IGF2BP2: variants seen among roughly 807,000 people sequenced by gnomAD.
IGF2BP2 encodes the protein insulin-like growth factor 2 mRNA-binding protein 2.
A neutral mutation model predicts 75.8 loss-of-function variants in IGF2BP2; 17 were observed. The ratio of observed to expected loss-of-function variants is 0.22; its 90% CI spans 0.15 to 0.34. The LOEUF (loss-of-function observed/expected upper bound fraction) is 0.34. Ranked by LOEUF, IGF2BP2 falls within the 10% of genes least tolerant of loss-of-function variation. The pLI is 1.00. For missense variants in IGF2BP2, 516 were observed against 772.4 expected (o/e 0.67, Z 3.93); for synonymous variants, 288 against 295.6 (o/e 0.97, Z 0.26).
In IGF2BP2 at chr3:185,644,590, G is replaced by GGC. The variant is rs1491167607; in HGVS notation, c.*940_*941insGC. 2.6e-4 allele frequency: 4 copies of GGC among 15,610 alleles called. No individual in the cohort carries two copies. Among genetic ancestry groups the GGC allele is most frequent in the African/African-American group, 4.8e-4 (3 of 6,252 alleles). 1.0% of individuals were successfully genotyped at this position (15,610 alleles called of 1,614,324 possible). On this transcript the variant is annotated 3_prime_UTR_variant, in exon 16 of 16. Transcript: ENST00000382199. The stretch of plus-strand genomic sequence containing the variant: ...TGATACTCAGAGCACTGCTTTGCCT[G>GGC]GGGGGGGGGGGGTGCGTAGATACGG...
chr3:185,704,502 T>C (rs922600883), intron 2 of IGF2BP2, among the ~76,000 whole-genome samples: 4 of 152,158 alleles, frequency 2.6e-5, no homozygotes, highest in Non-Finnish European at 5.9e-5. Flanking sequence ...CATGCTGCAG[T>C]GCAGTGGCGT....
intron 2 of IGF2BP2, among the ~76,000 whole-genome samples, chr3:185,726,863 A>C (rs1458493973): frequency 6.6e-6 from 1 of 152,180 alleles, no homozygotes; most frequent in Non-Finnish European, 1.5e-5. Context: ...GGTTCTCTGA[A>C]ACTTACCAAG....
chr3:185,783,373 G>C (rs1369606007), intron 2 of IGF2BP2, among the ~76,000 whole-genome samples: 1 of 152,094 alleles, frequency 6.6e-6, no homozygotes, highest in Non-Finnish European at 1.5e-5. Flanking sequence ...GCTCTGCACA[G>C]GGGAAGAAGG....
At chr3:185,730,624 G>A (rs891265588) in intron 2 of IGF2BP2, among the ~76,000 whole-genome samples, 5 of 151,866 alleles carry the variant, frequency 3.3e-5, no homozygotes, top group African/African-American at 4.8e-5. Flanking sequence ...AGTAGAGACC[G>A]GGTTTCTCCA....
chr3:185,680,199 C>T (rs888639499), intron 7 of IGF2BP2, among the ~76,000 whole-genome samples: 3 of 152,074 alleles, frequency 2.0e-5, no homozygotes, highest in Non-Finnish European at 4.4e-5. Flanking sequence ...AATTTAATAA[C>T]CTAGAAGAAA....
intron 15 of IGF2BP2, among the ~76,000 whole-genome samples, chr3:185,646,560 G>A (rs1381996440): frequency 6.6e-6 from 1 of 152,206 alleles, no homozygotes; most frequent in African/African-American, 2.4e-5. Context: ...TGATAGGGTG[G>A]GTTGTGGTGA....
At chr3:185,649,092 G>A (rs1434002716) in intron 14 of IGF2BP2, among the ~76,000 whole-genome samples, 1 of 152,082 alleles carries the variant, frequency 6.6e-6, no homozygotes, top group African/African-American at 2.4e-5. Context: ...CTGTTTTCAG[G>A]GAGTGGAGGC....
chr3:185,700,370 A>T (rs989900413), intron 2 of IGF2BP2, among the ~76,000 whole-genome samples: 4 of 152,168 alleles, frequency 2.6e-5, no homozygotes, highest in Admixed American at 6.5e-5. Flanking sequence ...TTTTTTAAAT[A>T]TTAATGTATT....
At position 185,804,728 on chromosome 3, in the gene IGF2BP2, G is replaced by A. The variant is rs181440896; in HGVS notation, c.239+18425C>T. ...TCATAGGCCAGGCACGGTGGCTCAC[G>A]CCTGTAATCCCAGCACTTTGGGAGG... On this transcript the variant is annotated intron_variant, in intron 2 of 15. Coordinates refer to ENST00000382199, the MANE Select transcript of IGF2BP2 (RefSeq NM_006548.6). Among the ~76,000 whole-genome samples the A allele has an allele frequency of 6.6e-3, 1,011 of 152,150 alleles. 11 individuals carry two copies. The highest frequency in any genetic ancestry group is 0.022 in the African/African-American group (931 of 41,494).
At position 185,658,985 on chromosome 3, in the gene IGF2BP2, T is replaced by C. The variant is rs904975963; in HGVS notation, c.1201-576A>G. ...GAGACTGAGCTTTGGGAATCTGAAA[T>C]GGGAGGATCACTTGGGTTCAGGAAC... is the stretch of plus-strand genomic sequence containing the variant. On this transcript the variant is annotated intron_variant, in intron 10 of 15. Transcript: ENST00000382199. Among the ~76,000 whole-genome samples, 7 of 152,048 alleles carry C rather than the reference T, an allele frequency of 4.6e-5. No individual in the cohort carries two copies. The East Asian group carries it at 9.6e-4, about 21-fold the overall frequency.
intron 7 of IGF2BP2, among the ~76,000 whole-genome samples, chr3:185,680,967 A>T (rs1030626493): frequency 6.6e-6 from 1 of 152,216 alleles, no homozygotes; most frequent in African/African-American, 2.4e-5. Flanking sequence ...TGAAAAGCCC[A>T]CAGCTAACAT....
At chr3:185,782,328 A>G (rs1369137435) in intron 2 of IGF2BP2, among the ~76,000 whole-genome samples, 1 of 152,126 alleles carries the variant, frequency 6.6e-6, no homozygotes, top group Non-Finnish European at 1.5e-5. Context: ...TCACACGGCT[A>G]ATTTCTAATA....
chr3:185,734,338 C>T (rs1041018606), intron 2 of IGF2BP2, among the ~76,000 whole-genome samples: 7 of 152,196 alleles, frequency 4.6e-5, no homozygotes, highest in African/African-American at 1.7e-4. Context: ...GTGACTTGCC[C>T]AAGGTCAGAG....
chr3:185,792,248 TATAAAGA>T (rs1353764696), intron 2 of IGF2BP2, among the ~76,000 whole-genome samples: 1 of 152,120 alleles, frequency 6.6e-6, no homozygotes, highest in Non-Finnish European at 1.5e-5. Flanking sequence ...AAAAAGCAGC[TATAAAGA>T]ATAAAGTCCA....
intron 2 of IGF2BP2, among the ~76,000 whole-genome samples, chr3:185,816,674 C>T (rs1347522055): frequency 6.6e-6 from 1 of 152,006 alleles, no homozygotes; most frequent in Non-Finnish European, 1.5e-5. Flanking sequence ...GCTGAGTTTC[C>T]TCATCCAAAA....
At chr3:185,757,367 C>T (rs192098816) in intron 2 of IGF2BP2, among the ~76,000 whole-genome samples, 1 of 152,158 alleles carries the variant, frequency 6.6e-6, no homozygotes, top group East Asian at 1.9e-4. Flanking sequence ...AAAAACTCCA[C>T]ACAAACAGGG....
chr3:185,721,600 T>C (rs1208338243), intron 2 of IGF2BP2, among the ~76,000 whole-genome samples: 3 of 152,204 alleles, frequency 2.0e-5, no homozygotes, highest in African/African-American at 7.2e-5. Context: ...ATGTATTTAA[T>C]TGGAAATCAA....
At chr3:185,819,033 T>C (rs944082489) in intron 2 of IGF2BP2, among the ~76,000 whole-genome samples, 8 of 152,180 alleles carry the variant, frequency 5.3e-5, no homozygotes, top group Non-Finnish European at 1.2e-4. Context: ...AGAAAACATA[T>C]TGCACTTTAG....
intron 7 of IGF2BP2, among the ~76,000 whole-genome samples, chr3:185,682,362 TTC>T (rs1720513335): frequency 6.6e-6 from 1 of 152,214 alleles, no homozygotes; most frequent in Non-Finnish European, 1.5e-5. Context: ...GACCTATTTC[TTC>T]TCTCTGTCTC....
Sources: gnomAD v4.1 joint callset for allele counts (sites outside exome capture counted in the v4.1 genomes callset) on GRCh38, gnomAD v4.1.1 for gene constraint, MANE v1.5 for transcripts, NCBI Gene and HGNC (gene_info 2026-07-23, HGNC 2026-07-21) for gene names.